The following GTF2F2 variants were observed in gnomAD, a reference collection of about 807,000 sequenced individuals.
GTF2F2 encodes the protein general transcription factor IIF subunit 2.
In GTF2F2, 23 loss-of-function variants were observed where a neutral mutation model predicts 42.2. The ratio of observed to expected loss-of-function variants is 0.55; its 90% CI spans 0.39 to 0.77. GTF2F2 has a LOEUF of 0.77. Among genes scored for constraint, GTF2F2 ranks in the 30% least tolerant of loss-of-function variants. The pLI, the probability that GTF2F2 is intolerant of heterozygous loss-of-function variation, is 0.00. For missense variants in GTF2F2, 261 were observed against 287.2 expected (o/e 0.91, Z 0.66); for synonymous variants, 105 against 100.8 (o/e 1.04, Z -0.25).
chr13:45,164,476 T>C (rs892003886), intron 4 of GTF2F2, among the ~76,000 whole-genome samples: 1 of 152,200 alleles, frequency 6.6e-6, no homozygotes, highest in Non-Finnish European at 1.5e-5. Flanking sequence ...CTCATGCCTG[T>C]AACCCCAGCA....
At position 45,144,457 on chromosome 13, in the gene GTF2F2, C is replaced by CT. The variant is rs11326737; in HGVS notation, c.141-5292dup. Among the ~76,000 whole-genome samples, 685 of 73,922 alleles carry CT rather than the reference C, an allele frequency of 9.3e-3. 36 individuals are homozygous for CT. The highest frequency in any genetic ancestry group is 0.03 in the African/African-American group (572 of 18,846). 48.5% of individuals were successfully genotyped at this position (73,922 alleles called of 152,430 possible). On this transcript the variant is annotated intron_variant, in intron 2 of 7. Coordinates refer to ENST00000340473, the MANE Select transcript of GTF2F2 (RefSeq NM_004128.3). The stretch of plus-strand genomic sequence containing the variant: ...TTCTAGCTTTATTTCTTTTTTTGGT[C>CT]TTTTTTTTTTTTTTTTTTTTTGAGA...
At chr13:45,173,280 A>G (rs1012433352) in intron 4 of GTF2F2, among the ~76,000 whole-genome samples, 1 of 152,098 alleles carries the variant, frequency 6.6e-6, no homozygotes, top group African/African-American at 2.4e-5. Context: ...ATTGCAATTC[A>G]TGGTACTATA....
intron 5 of GTF2F2, among the ~76,000 whole-genome samples, chr13:45,226,448 T>C (rs990333157): frequency 3.3e-5 from 5 of 152,192 alleles, no homozygotes; most frequent in Non-Finnish European, 7.4e-5. Context: ...TTCTTATACA[T>C]CATAGGGTCT....
At chr13:45,207,627 G>A in intron 5 of GTF2F2, 122 bp downstream of exon 5, 1 of 619,764 alleles carries the variant, frequency 1.6e-6, no homozygotes, top group South Asian at 2.3e-5. Flanking sequence ...TGCTTCAAAA[G>A]CTGTTTGGTT....
At chr13:45,124,037 A>C in intron 1 of GTF2F2, 1 of 1,133,594 alleles carries the variant, frequency 8.8e-7, no homozygotes, top group Non-Finnish European at 1.3e-6. Context: ...CATGTGGGCC[A>C]TGAGGTCCCC....
chr13:45,143,550 T>C (rs931921228), intron 2 of GTF2F2, among the ~76,000 whole-genome samples: 3 of 152,230 alleles, frequency 2.0e-5, no homozygotes, highest in African/African-American at 7.2e-5. Context: ...GGCCAGATAG[T>C]AGATACTGCA....
chr13:45,177,852 T>TATTCTGTGGAGTATTC (rs1871960320), intron 4 of GTF2F2, among the ~76,000 whole-genome samples: 1 of 152,204 alleles, frequency 6.6e-6, no homozygotes, highest in African/African-American at 2.4e-5. Context: ...TATTCTACTG[T>TATTCTGTGGAGTATTC]TAGTTTTATT....
chr13:45,274,877 A>AC (rs1876963102), intron 7 of GTF2F2, among the ~76,000 whole-genome samples: 2 of 151,730 alleles, frequency 1.3e-5, no homozygotes, highest in Admixed American at 1.3e-4. Context: ...GTGCCACTGT[A>AC]CCCCAGCCTG....
intron 4 of GTF2F2, among the ~76,000 whole-genome samples, chr13:45,162,506 C>T (rs1271263647): frequency 6.6e-6 from 1 of 152,188 alleles, no homozygotes; most frequent in Non-Finnish European, 1.5e-5. Context: ...TTGTGACTGA[C>T]TGCAGAGATT....
intron 6 of GTF2F2, among the ~76,000 whole-genome samples, chr13:45,264,147 AAC>A (rs1361469241): frequency 6.6e-6 from 1 of 152,130 alleles, no homozygotes; most frequent in Non-Finnish European, 1.5e-5. Context: ...TATACATGTT[AAC>A]ACAGAAAGAT....
chr13:45,267,291 A>G lies in GTF2F2; in HGVS notation c.545A>G (p.His182Arg), dbSNP rs761311443. The part of the protein sequence containing the change: ...DGKRARADKQ[H>R]VLDMLFSAFE... The stretch of plus-strand genomic sequence containing the variant: ...AAGCGAGCTCGAGCTGATAAACAAC[A>G]TGTTTTAGACATGCTATTTTCAGCC... Residue 182 changes from histidine (H) to arginine (R), a missense_variant, in exon 7 of 8, where the codon CAT becomes CGT. Coordinates refer to ENST00000340473, the MANE Select transcript of GTF2F2 (RefSeq NM_004128.3). The G allele has an allele frequency of 1.9e-6, 3 of 1,611,606 alleles. No homozygotes were observed. Among genetic ancestry groups the G allele is most frequent in the Non-Finnish European group, 2.5e-6 (3 of 1,177,744 alleles).
At chr13:45,239,448 T>C (rs1020270102) in intron 5 of GTF2F2, among the ~76,000 whole-genome samples, 1 of 152,202 alleles carries the variant, frequency 6.6e-6, no homozygotes, top group Non-Finnish European at 1.5e-5. Context: ...ATTGACAGTC[T>C]TACAGTGTTT....
intron 4 of GTF2F2, among the ~76,000 whole-genome samples, chr13:45,157,736 C>G: frequency 6.6e-6 from 1 of 151,988 alleles, no homozygotes; most frequent in East Asian, 1.9e-4. Context: ...CCATGCCTGG[C>G]TAGTTTTTTA....
At chr13:45,229,499 ATTGGT>A (rs1446063104) in intron 5 of GTF2F2, among the ~76,000 whole-genome samples, 1 of 152,106 alleles carries the variant, frequency 6.6e-6, no homozygotes, top group Non-Finnish European at 1.5e-5. Flanking sequence ...GAAATGTGAT[ATTGGT>A]TTGAAATTAG....
chr13:45,168,412 T>C (rs1048251078), intron 4 of GTF2F2, among the ~76,000 whole-genome samples: 1 of 152,236 alleles, frequency 6.6e-6, no homozygotes, highest in African/African-American at 2.4e-5. Context: ...GTTCAGCCAA[T>C]ATCTGCCAGG....
chr13:45,247,849 G>C (rs896137829), intron 5 of GTF2F2, among the ~76,000 whole-genome samples: 11 of 151,122 alleles, frequency 7.3e-5, no homozygotes, highest in Admixed American at 3.9e-4. Context: ...TTGTTTGTCT[G>C]TTCATTTGTT....
chr13:45,212,643 C>G (rs1256420704), intron 5 of GTF2F2, among the ~76,000 whole-genome samples: 3 of 151,470 alleles, frequency 2.0e-5, no homozygotes, highest in Non-Finnish European at 4.4e-5. Flanking sequence ...TCCGCTCACT[C>G]CAGCCTCTGC....
intron 5 of GTF2F2, among the ~76,000 whole-genome samples, chr13:45,212,278 TCTTA>T (rs1472158712): frequency 2.0e-5 from 3 of 152,160 alleles, no homozygotes; most frequent in South Asian, 2.1e-4. Flanking sequence ...CTGGCTCTTG[TCTTA>T]CTTGTCTTTA....
rs568516174 is a variant in GTF2F2 at position 45,231,300 on chromosome 13, G to T, written c.387-21571G>T. ...TTTTTGTATTTTTAGTAGTGATGGG[G>T]TTTCACCATATTGGCCAGGCTGGTC... On this transcript the variant is annotated intron_variant, in intron 5 of 7. Coordinates refer to ENST00000340473, the MANE Select transcript of GTF2F2 (RefSeq NM_004128.3). Among the ~76,000 whole-genome samples the T allele has an allele frequency of 3.9e-5, 6 of 152,110 alleles. No individual in the cohort carries two copies. In the South Asian group the frequency reaches 1.2e-3, roughly 32 times the overall value.
Sources: allele counts gnomAD v4.1 joint callset (sites outside exome capture counted in the v4.1 genomes callset), GRCh38; gene constraint gnomAD v4.1.1; transcripts MANE v1.5; gene names NCBI Gene and HGNC (gene_info 2026-07-23, HGNC 2026-07-21).